The following PLEKHS1 variants were observed in gnomAD, a reference collection of about 807,000 sequenced individuals.
PLEKHS1 encodes the protein pleckstrin homology domain containing S1, also known as pleckstrin homology domain-containing family S member 1.
A neutral mutation model predicts 51.0 loss-of-function variants in PLEKHS1; 55 were observed. The ratio of observed to expected loss-of-function variants is 1.08; its 90% CI spans 0.87 to 1.35. The LOEUF is 1.35. Ranked by LOEUF, PLEKHS1 falls within the 40% of genes most tolerant of loss-of-function variation. The pLI, the probability that PLEKHS1 is intolerant of heterozygous loss-of-function variation, is 0.00. For missense variants in PLEKHS1, 398 were observed against 423.0 expected, an observed-to-expected ratio of 0.94 and a Z score of 0.52; for synonymous variants, 153 against 144.8, an observed-to-expected ratio of 1.06 and a Z score of -0.41.
chr10:113,780,629 C>T, exon 12 of PLEKHS1: 6 of 1,613,856 alleles, frequency 3.7e-6, no homozygotes, highest in Non-Finnish European at 5.1e-6. Context: ...CGGCAGGATC[C>T]CAAATTCAGA....
intron 5 of PLEKHS1, 59 bp downstream of exon 5, chr10:113,767,538 A>C (rs1844221134): frequency 6.7e-7 from 1 of 1,502,036 alleles, no homozygotes; most frequent in Non-Finnish European, 8.9e-7. Context: ...ACAAACCAAA[A>C]AACAAAACAT....
chr10:113,776,752 G>A (rs547848938), intron 11 of PLEKHS1, among the ~76,000 whole-genome samples: 1 of 152,224 alleles, frequency 6.6e-6, no homozygotes, highest in South Asian at 2.1e-4. Context: ...CATACTTCTG[G>A]GGTCATGTAA....
intron 8 of PLEKHS1, among the ~76,000 whole-genome samples, chr10:113,773,946 T>C (rs533805307): frequency 2.6e-5 from 4 of 152,196 alleles, no homozygotes; most frequent in African/African-American, 9.6e-5. Context: ...TGCCGAATGG[T>C]GAAACAGAAA....
chr10:113,782,684 G>A (rs11196490), downstream of PLEKHS1: 53,855 of 151,958 alleles, frequency 0.35, 9,756 homozygotes, highest in South Asian at 0.49. Flanking sequence ...TGCCTGCTCT[G>A]TCTGCCACAA....
At chr10:113,771,028 A>G (rs1844379029) in intron 7 of PLEKHS1, among the ~76,000 whole-genome samples, 1 of 152,182 alleles carries the variant, frequency 6.6e-6, no homozygotes, top group South Asian at 2.1e-4. Context: ...TCTAGAGAAC[A>G]TTCAGGGTCT....
chr10:113,771,626 G>C (rs1844409380), intron 7 of PLEKHS1, among the ~76,000 whole-genome samples: 1 of 141,100 alleles, frequency 7.1e-6, no homozygotes, highest in Admixed American at 7.6e-5. Context: ...TGTGAGCCGA[G>C]ATCGCGCCAC....
At chr10:113,776,454 T>G (rs956460374) in intron 11 of PLEKHS1, among the ~76,000 whole-genome samples, 2 of 152,296 alleles carry the variant, frequency 1.3e-5, no homozygotes, top group African/African-American at 4.8e-5. Context: ...AAGAAAACTC[T>G]TTAATGTAAA....
intron 2 of PLEKHS1, among the ~76,000 whole-genome samples, chr10:113,765,845 A>G: frequency 6.6e-6 from 1 of 151,226 alleles, no homozygotes; most frequent in South Asian, 2.1e-4. Context: ...AGTCTTTACT[A>G]AAAAAATTAG....
At chr10:113,783,042 C>T (rs1844901623), downstream of PLEKHS1, 1 of 152,114 alleles carries the variant, frequency 6.6e-6, no homozygotes, top group African/African-American at 2.4e-5. Context: ...TCGAGAACAA[C>T]CTGACCAACA....
chr10:113,778,729 C>T (rs921835617), intron 11 of PLEKHS1, among the ~76,000 whole-genome samples: 7 of 151,210 alleles, frequency 4.6e-5, no homozygotes, highest in Non-Finnish European at 1.0e-4. Context: ...CTGCAAGCTC[C>T]GCCTGCCGGG....
chr10:113,774,410 A>C (rs771769728), intron 9 of PLEKHS1, 77 bp downstream of exon 9: 61 of 861,724 alleles, frequency 7.1e-5, no homozygotes, highest in Non-Finnish European at 1.1e-4. Flanking sequence ...GTTCATTTCA[A>C]TAGTTGATAA....
At chr10:113,759,819 A>G (rs1474483824) in intron 2 of PLEKHS1, among the ~76,000 whole-genome samples, 1 of 152,210 alleles carries the variant, frequency 6.6e-6, no homozygotes, top group Non-Finnish European at 1.5e-5. Context: ...TGGTTGGAGT[A>G]TGCTTACTTT....
chr10:113,770,022 A>G (rs1844335120), intron 7 of PLEKHS1, 122 bp downstream of exon 7: 2 of 754,928 alleles, frequency 2.6e-6, no homozygotes, highest in East Asian at 2.5e-5. Context: ...ATGCACTATA[A>G]GAAAGATTCT....
chr10:113,756,294 C>G (rs1854108425), intron 2 of PLEKHS1, among the ~76,000 whole-genome samples: 2 of 151,948 alleles, frequency 1.3e-5, no homozygotes, highest in South Asian at 4.2e-4. Context: ...GGTGAAACCT[C>G]GTCTCTATTA....
exon 7 of PLEKHS1, chr10:113,769,862 G>A (rs1226424356): frequency 1.2e-6 from 2 of 1,614,050 alleles, no homozygotes; most frequent in East Asian, 2.2e-5. Context: ...ATCAGAGGCT[G>A]TTGGCTCCAG....
chr10:113,755,118 A>G, intron 1 of PLEKHS1, 141 bp from the exon 2 acceptor site: 1 of 840,058 alleles, frequency 1.2e-6, no homozygotes, highest in Non-Finnish European at 1.7e-6. Flanking sequence ...AATACTAAAG[A>G]AAGGATGGGA....
At chr10:113,752,309 T>A (rs572592886) in intron 1 of PLEKHS1, among the ~76,000 whole-genome samples, 22 of 152,318 alleles carry the variant, frequency 1.4e-4, no homozygotes, top group Non-Finnish European at 3.1e-4. Flanking sequence ...GTTATGAGGT[T>A]AGGATGAGAT....
At chr10:113,782,934 T>A (rs1401306390), downstream of PLEKHS1, 1 of 152,176 alleles carries the variant, frequency 6.6e-6, no homozygotes, top group African/African-American at 2.4e-5. Flanking sequence ...TGCAGTACTG[T>A]TTGTAATAAT....
At chr10:113,778,788 C>A (rs959894561) in intron 11 of PLEKHS1, among the ~76,000 whole-genome samples, 9 of 152,102 alleles carry the variant, frequency 5.9e-5, no homozygotes, top group African/African-American at 2.2e-4. Context: ...GGACTACAGG[C>A]GCCGGCCACT....
Sources: allele counts gnomAD v4.1 joint callset (sites outside exome capture counted in the v4.1 genomes callset), GRCh38; gene constraint gnomAD v4.1.1; transcripts MANE v1.5; gene names NCBI Gene and HGNC (gene_info 2026-07-23, HGNC 2026-07-21).